The following LIMD1 variants were observed in gnomAD, a reference collection of about 807,000 sequenced individuals.
The protein encoded by LIMD1 is LIM domain containing 1.
In LIMD1, 23 loss-of-function variants were observed where a neutral mutation model predicts 58.4. That is an observed-to-expected ratio of 0.39 (90% CI 0.28 to 0.56). LIMD1 has a LOEUF of 0.56. Ranked by LOEUF, LIMD1 falls within the 20% of genes least tolerant of loss-of-function variation. The pLI is 0.57. For missense variants in LIMD1, 838 were observed against 855.5 expected (o/e 0.98, Z 0.25); for synonymous variants, 334 against 345.5 (o/e 0.97, Z 0.37).
chr3:45,635,850 C>T (rs1701781749), intron 1 of LIMD1: 1 of 981,708 alleles, frequency 1.0e-6, no homozygotes, highest in South Asian at 4.7e-5. Context: ...ACAGTGGGAA[C>T]CTTCGAAAGC....
At chr3:45,616,968 C>T (rs1701581993) in intron 1 of LIMD1, among the ~76,000 whole-genome samples, 1 of 150,934 alleles carries the variant, frequency 6.6e-6, no homozygotes, top group Non-Finnish European at 1.5e-5. Flanking sequence ...CTCCTGACCT[C>T]GTGATCCACC....
intron 6 of LIMD1, 107 bp downstream of exon 6, chr3:45,673,612 T>C: frequency 9.9e-7 from 1 of 1,006,900 alleles, no homozygotes; most frequent in Non-Finnish European, 1.6e-6. Context: ...TAAGGTATCC[T>C]TTTAAAAATC....
intron 1 of LIMD1, among the ~76,000 whole-genome samples, chr3:45,599,398 G>A (rs1340591823): frequency 6.6e-6 from 1 of 152,044 alleles, no homozygotes; most frequent in Non-Finnish European, 1.5e-5. Flanking sequence ...TACCTATTCT[G>A]GAATTTCATT....
chr3:45,664,393 ACT>A lies in LIMD1; in HGVS notation c.1511-1254_1511-1253del, dbSNP rs774304218. ...TTTTCTTTAACTCAACATGTACTGC[ACT>A]CTGTTAGAGTATTGCCAAAGCTTCC... On this transcript the variant is annotated intron_variant, in intron 2 of 7. Transcript: ENST00000273317. 2.6e-5 allele frequency among the ~76,000 whole-genome samples: 4 copies of A among 152,170 alleles called. No homozygotes were observed. The South Asian group carries it at 8.3e-4, about 32-fold the overall frequency.
At chr3:45,624,556 A>T (rs1035749299) in intron 1 of LIMD1, among the ~76,000 whole-genome samples, 3 of 152,178 alleles carry the variant, frequency 2.0e-5, no homozygotes, top group Admixed American at 6.5e-5. Context: ...AATACAAAAA[A>T]ATAAAAATAA....
intron 1 of LIMD1, among the ~76,000 whole-genome samples, chr3:45,616,744 G>C (rs1701579705): frequency 6.6e-6 from 1 of 151,730 alleles, no homozygotes; most frequent in African/African-American, 2.4e-5. Flanking sequence ...CATTAGATTT[G>C]ATATGAGAAA....
chr3:45,609,791 T>A (rs1207516148), intron 1 of LIMD1, among the ~76,000 whole-genome samples: 3 of 152,238 alleles, frequency 2.0e-5, no homozygotes, highest in Non-Finnish European at 2.9e-5. Flanking sequence ...GCTTAGTTCC[T>A]CCTGCTGTAT....
intron 2 of LIMD1, among the ~76,000 whole-genome samples, chr3:45,664,658 T>C (rs146592464): frequency 3.3e-5 from 5 of 152,230 alleles, no homozygotes; most frequent in African/African-American, 4.8e-5. Context: ...CTGAGGAATG[T>C]TCTTTGACAG....
At chr3:45,653,326 A>G (rs989266019) in intron 2 of LIMD1, among the ~76,000 whole-genome samples, 1 of 152,202 alleles carries the variant, frequency 6.6e-6, no homozygotes, top group African/African-American at 2.4e-5. Flanking sequence ...TGCTGGCAAC[A>G]GTCACACCAG....
rs867468334 is a variant in LIMD1 at position 45,627,037 on chromosome 3, C to G, written c.1409-9113C>G. The stretch of plus-strand genomic sequence containing the variant: ...ATCTTTCAAAAATCCACTGTGCTCC[C>G]CCACCTCCTTTGGTGTCCCCGAAGG... On this transcript the variant is annotated intron_variant, in intron 1 of 7. Coordinates refer to ENST00000273317, the MANE Select transcript of LIMD1 (RefSeq NM_014240.3). 1.9e-4 allele frequency among the ~76,000 whole-genome samples: 29 copies of G among 152,276 alleles called. No individual in the cohort carries two copies. The Middle Eastern group carries it at 0.01, about 54-fold the overall frequency.
chr3:45,610,403 G>A (rs17261269), intron 1 of LIMD1, among the ~76,000 whole-genome samples: 1 of 152,018 alleles, frequency 6.6e-6, no homozygotes, highest in South Asian at 2.1e-4. Flanking sequence ...GCTCTCATGT[G>A]GGTAGGAGAT....
intron 1 of LIMD1, among the ~76,000 whole-genome samples, chr3:45,625,550 A>G (rs952475326): frequency 1.6e-4 from 24 of 152,136 alleles, no homozygotes; most frequent in African/African-American, 5.8e-4. Flanking sequence ...GGGTTTGAAT[A>G]TGCCCCCCAC....
In LIMD1 at chr3:45,663,237, T is replaced by C. The variant is rs780454768; in HGVS notation, c.1511-2413T>C. 5.3e-4 allele frequency among the ~76,000 whole-genome samples: 80 copies of C among 152,238 alleles called. 1 individual carries two copies. Among genetic ancestry groups the C allele is most frequent in the Non-Finnish European group, 5.4e-4 (37 of 68,042 alleles). ...ATCTAGTGAACACTGAAGACGCTTC[T>C]AGTTTTTCCATAACAACGTTGCCGT... is the stretch of plus-strand genomic sequence containing the variant. On this transcript the variant is annotated intron_variant, in intron 2 of 7. Coordinates refer to ENST00000273317, the MANE Select transcript of LIMD1 (RefSeq NM_014240.3).
intron 2 of LIMD1, among the ~76,000 whole-genome samples, chr3:45,638,481 A>G (rs763863642): frequency 2.0e-5 from 3 of 152,114 alleles, no homozygotes; most frequent in Non-Finnish European, 2.9e-5. Context: ...AAAGGACATG[A>G]TGTCACTTTT....
chr3:45,642,020 A>G (rs560837146), intron 2 of LIMD1, among the ~76,000 whole-genome samples: 1 of 152,330 alleles, frequency 6.6e-6, no homozygotes, highest in Non-Finnish European at 1.5e-5. Context: ...CTGGAAGCCT[A>G]CAAGGTGTTC....
At chr3:45,608,836 T>G (rs1575344101) in intron 1 of LIMD1, among the ~76,000 whole-genome samples, 1 of 28,684 alleles carries the variant, frequency 3.5e-5, no homozygotes, top group African/African-American at 1.1e-4. Flanking sequence ...CGAGACTCGG[T>G]ATCAAAAAAA....
At position 45,621,861 on chromosome 3, in the gene LIMD1, G is replaced by A. The variant is rs142348502; in HGVS notation, c.1409-14289G>A. Reference sequence around the variant, plus strand: ...GGGTGGATCAAAAAGTCAGGAGATCGAGACCATCCTGGCCAAAATGCTGAA... The same window carrying A: ...GGGTGGATCAAAAAGTCAGGAGATCAAGACCATCCTGGCCAAAATGCTGAA... On this transcript the variant is annotated intron_variant, in intron 1 of 7. Coordinates refer to ENST00000273317, the MANE Select transcript of LIMD1 (RefSeq NM_014240.3). 4.4e-3 allele frequency among the ~76,000 whole-genome samples: 669 copies of A among 152,034 alleles called. 7 individuals carry two copies. Among genetic ancestry groups the A allele is most frequent in the African/African-American group, 0.015 (634 of 41,472 alleles).
At chr3:45,610,248 C>T (rs1701510670) in intron 1 of LIMD1, among the ~76,000 whole-genome samples, 1 of 152,162 alleles carries the variant, frequency 6.6e-6, no homozygotes, top group African/African-American at 2.4e-5. Flanking sequence ...AGCAGATACT[C>T]CCTGACTTCC....
intron 4 of LIMD1, 83 bp from the exon 5 acceptor site, chr3:45,672,607 T>A (rs1434469341): frequency 5.4e-6 from 8 of 1,475,130 alleles, no homozygotes; most frequent in African/African-American, 1.4e-5. Context: ...GCTCATGTAA[T>A]CCTTAGGCCT....
Sources: gnomAD v4.1 joint callset for allele counts (sites outside exome capture counted in the v4.1 genomes callset) on GRCh38, gnomAD v4.1.1 for gene constraint, MANE v1.5 for transcripts, NCBI Gene and HGNC (gene_info 2026-07-23, HGNC 2026-07-21) for gene names.